Variants in RPIA observed in about 807,000 individuals in gnomAD.
The protein encoded by RPIA is ribose-5-phosphate isomerase.
In RPIA, 29 loss-of-function variants were observed where a neutral mutation model predicts 37.8. The observed-to-expected ratio is 0.77, with a 90% confidence interval of 0.57 to 1.05. The LOEUF (loss-of-function observed/expected upper bound fraction) is 1.05. RPIA is among the 50% of genes least tolerant of loss of function. The pLI is 0.00. For synonymous variants in RPIA, 167 were observed against 157.0 expected (o/e 1.06, Z -0.48); for missense variants, 385 against 413.6 (o/e 0.93, Z 0.60).
intron 3 of RPIA, among the ~76,000 whole-genome samples, chr2:88,703,538 G>A (rs749875200): frequency 1.3e-5 from 2 of 152,220 alleles, no homozygotes; most frequent in African/African-American, 2.4e-5. Flanking sequence ...CTCTACATTG[G>A]CCCCTTTCAG....
chr2:88,696,777 A>C (rs1019046391), intron 1 of RPIA, among the ~76,000 whole-genome samples: 1 of 152,204 alleles, frequency 6.6e-6, no homozygotes, highest in Non-Finnish European at 1.5e-5. Flanking sequence ...GAGGCTACGA[A>C]GTCCAATATC....
rs767195910 is a variant in RPIA at position 88,736,563 on chromosome 2, T to A, written c.625T>A (p.Trp209Arg). Reference protein sequence around the residue: ...RKDSKNLGDQWHKGIPIEVIP... With the variant: ...RKDSKNLGDQRHKGIPIEVIP... ...AGATTCGAAGAATCTCGGGGATCAG[T>A]GGCACAAGGGAATCCCCATCGAGGT... is the stretch of plus-strand genomic sequence containing the variant. The change falls in exon 7 of 9, where the codon TGG (tryptophan) becomes AGG (arginine). Residue 209 changes from tryptophan (W) to arginine (R), a missense_variant. This residue lies in a region of RPIA where 153 missense variants were observed against 210.6 expected (regional missense o/e 0.73). Coordinates refer to ENST00000283646, the MANE Select transcript of RPIA (RefSeq NM_144563.3). 6.2e-7 allele frequency: 1 copy of A among 1,614,166 alleles called. No homozygotes were observed. The highest frequency in any genetic ancestry group is 2.2e-5 in the East Asian group (1 of 44,872).
At chr2:88,735,813 A>G (rs947727800) in intron 6 of RPIA, 76 bp downstream of exon 6, 2 of 1,409,132 alleles carry the variant, frequency 1.4e-6, no homozygotes, top group Non-Finnish European at 2.0e-6. Context: ...TTTTTGTGAA[A>G]GAGGAAATGG....
intron 1 of RPIA, among the ~76,000 whole-genome samples, chr2:88,694,710 T>C (rs1257154870): frequency 6.6e-6 from 1 of 152,130 alleles, no homozygotes; most frequent in Non-Finnish European, 1.5e-5. Context: ...CCCCAATGCT[T>C]TTCTGTCTTG....
intron 3 of RPIA, among the ~76,000 whole-genome samples, chr2:88,721,574 C>A (rs1031560537): frequency 5.8e-4 from 28 of 48,016 alleles, no homozygotes; most frequent in African/African-American, 2.1e-3. Flanking sequence ...CACACACACC[C>A]CCCCCCCCAC....
chr2:88,703,058 C>G (rs1441783860), intron 3 of RPIA, among the ~76,000 whole-genome samples: 1 of 152,188 alleles, frequency 6.6e-6, no homozygotes, highest in Non-Finnish European at 1.5e-5. Context: ...CTCCATGTCT[C>G]ACATCCAGGT....
chr2:88,749,927 T>A, intron 8 of RPIA, 54 bp from the exon 9 acceptor site: 1 of 1,316,832 alleles, frequency 7.6e-7, no homozygotes, highest in South Asian at 1.2e-5. Context: ...TCTTTGAGTC[T>A]CTTTTTGCTT....
chr2:88,733,452 G>A (rs1256368686), intron 4 of RPIA, among the ~76,000 whole-genome samples: 2 of 152,328 alleles, frequency 1.3e-5, no homozygotes, highest in African/African-American at 2.4e-5. Context: ...CAGAGCCAGG[G>A]GCACAGGCTG....
chr2:88,713,491 A>T (rs2104096975), intron 3 of RPIA, among the ~76,000 whole-genome samples: 1 of 152,100 alleles, frequency 6.6e-6, no homozygotes, highest in South Asian at 2.1e-4. Flanking sequence ...CTTTGTATGA[A>T]ATCTATTTTT....
Position 88,691,874 on chromosome 2 carries a change from G to T in RPIA, c.176G>T (p.Ser59Ile), listed in dbSNP as rs1183167233. ...SGTRGGAGNTSTSCGDSNSIC... is the reference protein window; with the variant it reads ...SGTRGGAGNTITSCGDSNSIC... ...ACCCGTGGCGGTGCTGGCAACACAA[G>T]CACCAGCTGCGGGGACTCCAACAGC... Residue 59 changes from serine (S) to isoleucine (I), a missense_variant, in exon 1 of 9, where the codon AGC (serine) becomes ATC (isoleucine). Ser to Ile is a moderately radical substitution (Grantham distance 142, BLOSUM62 -2). Transcript: ENST00000283646. The T allele has an allele frequency of 6.3e-7, 1 of 1,595,378 alleles. No homozygotes were observed. The highest frequency in any genetic ancestry group is 8.5e-7 in the Non-Finnish European group (1 of 1,172,166).
At chr2:88,696,011 G>A (rs528768017) in intron 1 of RPIA, among the ~76,000 whole-genome samples, 1 of 151,998 alleles carries the variant, frequency 6.6e-6, no homozygotes, top group Non-Finnish European at 1.5e-5. Context: ...CTTTGAGAAG[G>A]ACCATATCTA....
At chr2:88,741,993 C>G (rs2104143487) in intron 8 of RPIA, among the ~76,000 whole-genome samples, 1 of 152,228 alleles carries the variant, frequency 6.6e-6, no homozygotes, top group South Asian at 2.1e-4. Context: ...TTTTCTCCCA[C>G]TCTGTGGGTT....
At chr2:88,714,095 A>G in intron 3 of RPIA, among the ~76,000 whole-genome samples, 1 of 151,968 alleles carries the variant, frequency 6.6e-6, no homozygotes, top group African/African-American at 2.4e-5. Context: ...AACCAACACA[A>G]TGAAAATATT....
intron 8 of RPIA, among the ~76,000 whole-genome samples, chr2:88,742,868 G>A (rs1363416902): frequency 6.6e-6 from 1 of 152,154 alleles, no homozygotes; most frequent in Non-Finnish European, 1.5e-5. Flanking sequence ...GTATAGCAGT[G>A]CCACTGATTT....
At chr2:88,749,349 G>C (rs1414806034) in intron 8 of RPIA, among the ~76,000 whole-genome samples, 5 of 152,180 alleles carry the variant, frequency 3.3e-5, no homozygotes, top group African/African-American at 1.2e-4. Context: ...TCCTTTCAGT[G>C]AATGATTTTG....
At chr2:88,706,552 T>TGG (rs1280250862) in intron 3 of RPIA, among the ~76,000 whole-genome samples, 6 of 57,618 alleles carry the variant, frequency 1.0e-4, no homozygotes, top group Non-Finnish European at 1.4e-4. Context: ...GGGGCCTGTC[T>TGG]GGGGGGTGTG....
At chr2:88,707,919 A>G (rs1027360658) in intron 3 of RPIA, among the ~76,000 whole-genome samples, 1 of 152,156 alleles carries the variant, frequency 6.6e-6, no homozygotes, top group Non-Finnish European at 1.5e-5. Context: ...TGCCTGAAAA[A>G]CTGGTGCCAT....
intron 3 of RPIA, among the ~76,000 whole-genome samples, chr2:88,721,564 CACACA>C: frequency 2.9e-5 from 2 of 69,538 alleles, no homozygotes; most frequent in African/African-American, 1.1e-4. Flanking sequence ...CACACACACA[CACACA>C]CACCCCCCCC....
chr2:88,740,705 G>A, intron 8 of RPIA, among the ~76,000 whole-genome samples: 1 of 152,156 alleles, frequency 6.6e-6, no homozygotes, highest in East Asian at 1.9e-4. Context: ...CGGGGAGTTG[G>A]GGGAGGTCAG....
Sources: gnomAD v4.1 joint callset for allele counts (sites outside exome capture counted in the v4.1 genomes callset) on GRCh38, gnomAD v4.1.1 for gene constraint, gnomAD v4.1.1 regional missense constraint, MANE v1.5 for transcripts, NCBI Gene and HGNC (gene_info 2026-07-23, HGNC 2026-07-21) for gene names.